LMF1: variants seen among roughly 807,000 people sequenced by gnomAD.
LMF1 encodes lipase maturation factor 1, also known as transmembrane protein 112.
In LMF1, 68 loss-of-function variants were observed where a neutral mutation model predicts 60.6. That is an observed-to-expected ratio of 1.12 (90% CI 0.92 to 1.37). The LOEUF (loss-of-function observed/expected upper bound fraction) is 1.37. Among genes scored for constraint, LMF1 ranks in the 40% most tolerant of loss-of-function variants. LMF1 has a pLI of 0.00. For missense variants in LMF1, 948 were observed against 767.2 expected (o/e 1.24, Z -2.78); for synonymous variants, 418 against 324.7 (o/e 1.29, Z -3.09).
At chr16:910,870 C>G (rs1176638681) in intron 4 of LMF1, 61 bp downstream of exon 4, 1 of 1,596,302 alleles carries the variant, frequency 6.3e-7, no homozygotes, top group South Asian at 1.1e-5. Flanking sequence ...CTCCTAGAAG[C>G]CTCACAGGTT....
intron 3 of LMF1, among the ~76,000 whole-genome samples, chr16:914,344 C>A (rs2071208348): frequency 6.6e-6 from 1 of 152,104 alleles, no homozygotes; most frequent in Admixed American, 6.5e-5. Flanking sequence ...GCTGGGCAGG[C>A]CAAGACCCGG....
chr16:915,424 G>A (rs908850809), intron 3 of LMF1, among the ~76,000 whole-genome samples: 1 of 152,252 alleles, frequency 6.6e-6, no homozygotes, highest in Non-Finnish European at 1.5e-5. Flanking sequence ...AGAGGTGCGT[G>A]CTCACCTTTC....
intron 6 of LMF1, among the ~76,000 whole-genome samples, chr16:876,018 G>A (rs2069961501): frequency 6.6e-6 from 1 of 152,230 alleles, no homozygotes; most frequent in Non-Finnish European, 1.5e-5. Context: ...GGGTGGCAGT[G>A]GGACCCGGGG....
Position 970,881 on chromosome 16 carries a change from C to T in LMF1, c.100G>A (p.Gly34Arg), listed in dbSNP as rs1191066644. 4 of 1,571,680 alleles carry T rather than the reference C, an allele frequency of 2.5e-6. No homozygotes were observed. The South Asian group carries it at 3.5e-5, about 14-fold the overall frequency. The change falls in exon 1 of 11, where the codon GGG (glycine) becomes AGG (arginine). Residue 34 changes from glycine (G) to arginine (R), a missense_variant. Transcript: ENST00000262301. ...DPEPESPPAPGRGPAGSPAHL... is the reference protein window; with the variant it reads ...DPEPESPPAPRRGPAGSPAHL... Reference sequence around the variant, plus strand: ...GCCGGAGAGCCTGCGGGGCCACGCCCCGGCGCGGGCGGCGACTCAGGCTCC... The same window carrying T: ...GCCGGAGAGCCTGCGGGGCCACGCCTCGGCGCGGGCGGCGACTCAGGCTCC...
chr16:969,293 C>T (rs1437218701), intron 1 of LMF1, among the ~76,000 whole-genome samples: 2 of 152,014 alleles, frequency 1.3e-5, no homozygotes, highest in Admixed American at 6.5e-5. Flanking sequence ...CCAGCCTGGG[C>T]AACAGAGTGA....
At chr16:945,887 A>G (rs754296841) in intron 2 of LMF1, among the ~76,000 whole-genome samples, 2 of 152,230 alleles carry the variant, frequency 1.3e-5, no homozygotes, top group African/African-American at 4.8e-5. Context: ...TGGGTTGCCA[A>G]GTCCCCGCAG....
At chr16:955,692 C>T (rs2072682312) in intron 1 of LMF1, among the ~76,000 whole-genome samples, 1 of 152,238 alleles carries the variant, frequency 6.6e-6, no homozygotes, top group Non-Finnish European at 1.5e-5. Flanking sequence ...AGTGTGTATA[C>T]ACGCACACAC....
intron 3 of LMF1, among the ~76,000 whole-genome samples, chr16:914,275 C>T (rs2071206904): frequency 6.6e-6 from 1 of 152,114 alleles, no homozygotes; most frequent in South Asian, 2.1e-4. Context: ...CTGCAGGTTG[C>T]TTCAGTACAA....
At chr16:970,475 C>G (rs1000512813) in intron 1 of LMF1, among the ~76,000 whole-genome samples, 2 of 152,200 alleles carry the variant, frequency 1.3e-5, no homozygotes, top group Non-Finnish European at 2.9e-5. Context: ...GGGCCCGGGC[C>G]GGCCCCGCCT....
intron 1 of LMF1, among the ~76,000 whole-genome samples, chr16:959,905 C>T (rs541320372): frequency 6.6e-5 from 10 of 152,134 alleles, no homozygotes; most frequent in African/African-American, 2.4e-4. Context: ...TGGAATACAC[C>T]GTGTGCCAGG....
chr16:917,205 C>G (rs1313842811), intron 3 of LMF1, among the ~76,000 whole-genome samples: 2 of 152,358 alleles, frequency 1.3e-5, no homozygotes, highest in East Asian at 3.9e-4. Context: ...CTCACCTCCC[C>G]CAAGCACATG....
chr16:968,937 A>C (rs970085706), intron 1 of LMF1: 2 of 152,190 alleles, frequency 1.3e-5, no homozygotes, highest in Non-Finnish European at 2.9e-5. Context: ...GCTTCACTTT[A>C]TCTCTACTTC....
At chr16:925,685 G>A (rs759014629) in intron 3 of LMF1, among the ~76,000 whole-genome samples, 9 of 152,210 alleles carry the variant, frequency 5.9e-5, no homozygotes, top group South Asian at 2.1e-4. Flanking sequence ...GCAATGAGCC[G>A]TGATTGTGCC....
chr16:914,035 C>T (rs1024676853), intron 3 of LMF1, among the ~76,000 whole-genome samples: 21 of 152,204 alleles, frequency 1.4e-4, no homozygotes, highest in Non-Finnish European at 4.4e-5. Flanking sequence ...ACTTTGGAAT[C>T]AGTTCTCACC....
intron 1 of LMF1, among the ~76,000 whole-genome samples, chr16:967,319 G>A (rs1006908669): frequency 3.3e-5 from 5 of 152,236 alleles, no homozygotes; most frequent in Non-Finnish European, 5.9e-5. Flanking sequence ...AGGGAACGCC[G>A]GGCCACAACG....
At position 894,802 on chromosome 16, in the gene LMF1, C is replaced by T. The variant is rs541521169; in HGVS notation, c.664-1730G>A. 2.0e-5 allele frequency among the ~76,000 whole-genome samples: 3 copies of T among 152,344 alleles called. No individual in the cohort carries two copies. The South Asian group carries it at 6.2e-4, about 32-fold the overall frequency. On this transcript the variant is annotated intron_variant, in intron 4 of 10. Transcript: ENST00000262301. Reference sequence around the variant, plus strand: ...CCGCCTCCCATCAGCGAGTGCTCCCCTCCGTGGGCGTGCTGGGGTGTCGGG... The same window carrying T: ...CCGCCTCCCATCAGCGAGTGCTCCCTTCCGTGGGCGTGCTGGGGTGTCGGG...
intron 6 of LMF1, among the ~76,000 whole-genome samples, chr16:875,081 C>T (rs1329381113): frequency 6.6e-6 from 1 of 152,142 alleles, no homozygotes; most frequent in East Asian, 1.9e-4. Flanking sequence ...GCTTCCACCT[C>T]GTCCTGGACA....
intron 3 of LMF1, among the ~76,000 whole-genome samples, chr16:913,345 C>T (rs1426041180): frequency 1.3e-5 from 2 of 152,256 alleles, no homozygotes; most frequent in African/African-American, 4.8e-5. Flanking sequence ...ACGGCCGCTG[C>T]TCTCCTTCCT....
chr16:888,044 C>T lies in LMF1; in HGVS notation c.729+4963G>A, dbSNP rs149639327. 2.3e-3 allele frequency among the ~76,000 whole-genome samples: 352 copies of T among 152,320 alleles called. 1 individual carries two copies. The highest frequency in any genetic ancestry group is 7.2e-3 in the African/African-American group (301 of 41,576). ...AGTCGACTCTGGGGGGCTCCGTGCC[C>T]GTCACGGGGCCTGTCTGTAGCCCTG... On this transcript the variant is annotated intron_variant, in intron 5 of 10. Coordinates refer to ENST00000262301, the MANE Select transcript of LMF1 (RefSeq NM_022773.4).
Sources: allele counts gnomAD v4.1 joint callset (sites outside exome capture counted in the v4.1 genomes callset), GRCh38; gene constraint gnomAD v4.1.1; transcripts MANE v1.5; gene names NCBI Gene and HGNC (gene_info 2026-07-23, HGNC 2026-07-21).